The following FBXL13 variants were observed in gnomAD, a reference collection of about 807,000 sequenced individuals.
The protein encoded by FBXL13 is F-box and leucine-rich repeat protein 13.
FBXL13 carries 67 observed loss-of-function variants against 83.6 expected under a neutral mutation model. The observed-to-expected ratio is 0.80, with a 90% CI of 0.66 to 0.98. The LOEUF (loss-of-function observed/expected upper bound fraction) is 0.98, where lower values mean the gene tolerates loss of function less well. Ranked by LOEUF, FBXL13 falls within the 50% of genes least tolerant of loss-of-function variation. The pLI is 0.00. For missense variants in FBXL13, 822 were observed against 866.5 expected, an observed-to-expected ratio of 0.95 and a Z score of 0.64; for synonymous variants, 272 against 299.5, an observed-to-expected ratio of 0.91 and a Z score of 0.95.
chr7:103,040,273 A>C (rs984239021), intron 2 of FBXL13, among the ~76,000 whole-genome samples: 2 of 152,198 alleles, frequency 1.3e-5, no homozygotes, highest in African/African-American at 2.4e-5. Context: ...AAGAAGAGCT[A>C]ACTATCCTAA....
At chr7:102,851,121 G>T (rs187803901) in intron 17 of FBXL13, among the ~76,000 whole-genome samples, 2 of 152,196 alleles carry the variant, frequency 1.3e-5, no homozygotes, top group Admixed American at 1.3e-4. Flanking sequence ...GGCCTTTGAG[G>T]TAATTTTTTA....
chr7:102,995,157 C>A (rs1032617983), intron 6 of FBXL13, among the ~76,000 whole-genome samples: 5 of 152,110 alleles, frequency 3.3e-5, no homozygotes, highest in African/African-American at 9.7e-5. Flanking sequence ...TTCCCATGAG[C>A]ATGGGGGAAG....
chr7:102,868,468 T>C (rs1188356727), intron 16 of FBXL13, among the ~76,000 whole-genome samples: 4 of 152,196 alleles, frequency 2.6e-5, no homozygotes, highest in Admixed American at 1.3e-4. Flanking sequence ...GGTTCATCCA[T>C]GTTGTCACAA....
chr7:102,862,767 T>C (rs531341667), intron 16 of FBXL13, among the ~76,000 whole-genome samples: 1 of 152,366 alleles, frequency 6.6e-6, no homozygotes, highest in Admixed American at 6.5e-5. Context: ...CCCTGCTTTT[T>C]GAAATAGCAT....
At chr7:102,938,415 G>C (rs1270576535) in intron 8 of FBXL13, among the ~76,000 whole-genome samples, 2 of 152,204 alleles carry the variant, frequency 1.3e-5, no homozygotes, top group Admixed American at 6.5e-5. Flanking sequence ...TTTCAGAGTA[G>C]TTCTGAGGTT....
At chr7:103,044,215 G>A (rs530440546) in intron 2 of FBXL13, among the ~76,000 whole-genome samples, 47 of 152,266 alleles carry the variant, frequency 3.1e-4, no homozygotes, top group African/African-American at 7.9e-4. Context: ...CAAATTACCC[G>A]TTTCCTTCAA....
intron 8 of FBXL13, among the ~76,000 whole-genome samples, 160 bp from the exon 10 acceptor site, chr7:102,932,093 C>T (rs1819289212): frequency 6.6e-6 from 1 of 151,966 alleles, no homozygotes; most frequent in African/African-American, 2.4e-5. Flanking sequence ...AGAAAAATGG[C>T]TTTTTTGGGC....
intron 11 of FBXL13, chr7:102,912,883 G>C (rs1028093461): frequency 3.5e-6 from 2 of 577,286 alleles, no homozygotes; most frequent in Non-Finnish European, 5.8e-6. Context: ...GTTTGTCTGT[G>C]TGACACTCCA....
chr7:103,013,870 T>C (rs926084347), intron 6 of FBXL13, among the ~76,000 whole-genome samples: 2 of 150,060 alleles, frequency 1.3e-5, no homozygotes, highest in African/African-American at 4.9e-5. Flanking sequence ...AAAGAAGTAA[T>C]AATACAAGGT....
chr7:102,991,751 TG>T (rs1341834747), intron 6 of FBXL13, among the ~76,000 whole-genome samples: 1 of 152,172 alleles, frequency 6.6e-6, no homozygotes, highest in Non-Finnish European at 1.5e-5. Context: ...GATGGTAAAC[TG>T]CTAAAATAAA....
exon 7 of FBXL13, chr7:102,968,037 G>A (rs766233718): frequency 6.2e-7 from 1 of 1,612,942 alleles, no homozygotes; most frequent in Non-Finnish European, 8.5e-7. Flanking sequence ...TCCACAGTGA[G>A]TTTAGTTGTG....
At chr7:102,854,536 T>G (rs201087925) in intron 17 of FBXL13, among the ~76,000 whole-genome samples, 6 of 152,138 alleles carry the variant, frequency 3.9e-5, no homozygotes, top group Non-Finnish European at 5.9e-5. Flanking sequence ...AAATAGTAAA[T>G]ATTTAGCTAC....
chr7:102,824,635 G>C (rs980917310), intron 18 of FBXL13, among the ~76,000 whole-genome samples: 1 of 151,946 alleles, frequency 6.6e-6, no homozygotes, highest in South Asian at 2.1e-4. Context: ...ACAGGTGCCC[G>C]CCACCACGCC....
chr7:103,056,078 A>C (rs1797305181), intron 1 of FBXL13, among the ~76,000 whole-genome samples: 1 of 152,112 alleles, frequency 6.6e-6, no homozygotes, highest in Non-Finnish European at 1.5e-5. Context: ...TTTAGCTCCC[A>C]TTTATGAGTG....
At chr7:102,923,416 G>A (rs1284362311) in intron 10 of FBXL13, among the ~76,000 whole-genome samples, 1 of 152,198 alleles carries the variant, frequency 6.6e-6, no homozygotes, top group African/African-American at 2.4e-5. Flanking sequence ...AAAATGTGCA[G>A]TAGCATTTTC....
chr7:102,835,842 C>A (rs1287600279), intron 17 of FBXL13, among the ~76,000 whole-genome samples: 1 of 151,870 alleles, frequency 6.6e-6, no homozygotes, highest in African/African-American at 2.4e-5. Context: ...ATCTCCTGAC[C>A]TCGTGATCCG....
intron 16 of FBXL13, among the ~76,000 whole-genome samples, chr7:102,855,621 G>A (rs1805922364): frequency 6.6e-6 from 1 of 152,056 alleles, no homozygotes; most frequent in African/African-American, 2.4e-5. Context: ...AGGTGGACAA[G>A]AGCAGGGTTG....
chr7:102,853,987 GA>G (rs1301138275), intron 17 of FBXL13, among the ~76,000 whole-genome samples: 1 of 152,170 alleles, frequency 6.6e-6, no homozygotes, highest in East Asian at 1.9e-4. Context: ...TCTAGAACTA[GA>G]AATACCATTT....
chr7:102,952,496 C>T (rs962381275), intron 8 of FBXL13, among the ~76,000 whole-genome samples: 1 of 152,068 alleles, frequency 6.6e-6, no homozygotes, highest in Non-Finnish European at 1.5e-5. Context: ...AAAGTGGGTA[C>T]ATTAGTACTG....
Sources: gnomAD v4.1 joint callset for allele counts (sites outside exome capture counted in the v4.1 genomes callset) on GRCh38, gnomAD v4.1.1 for gene constraint, MANE v1.5 for transcripts, NCBI Gene and HGNC (gene_info 2026-07-23, HGNC 2026-07-21) for gene names.